Variants in STK3 observed in about 807,000 individuals in gnomAD.
STK3 encodes serine/threonine kinase 3.
A neutral mutation model predicts 58.0 loss-of-function variants in STK3; 41 were observed. That is an observed-to-expected ratio of 0.71 (90% CI 0.55 to 0.92). The LOEUF is 0.92. Among genes scored for constraint, STK3 ranks in the 40% least tolerant of loss-of-function variants. The pLI, the probability that STK3 is intolerant of heterozygous loss-of-function variation, is 0.00. For synonymous variants in STK3, 170 were observed against 191.0 expected (o/e 0.89, Z 0.91); for missense variants, 479 against 602.7 (o/e 0.79, Z 2.15).
chr8:98,743,032 A>G (rs1170050958), intron 4 of STK3, among the ~76,000 whole-genome samples: 3 of 152,074 alleles, frequency 2.0e-5, no homozygotes, highest in African/African-American at 7.2e-5. Context: ...AGGGACGTGA[A>G]GGACCTCTTC....
upstream of STK3, among the ~76,000 whole-genome samples, chr8:98,828,437 C>CAAAAAAAAA (rs367737626): frequency 2.1e-3 from 103 of 48,590 alleles, no homozygotes; most frequent in Middle Eastern, 0.018. Context: ...CCCATCTCTA[C>CAAAAAAAAA]AAAAAAAAAA....
intron 4 of STK3, among the ~76,000 whole-genome samples, chr8:98,744,542 T>C (rs1408900447): frequency 3.2e-5 from 4 of 125,580 alleles, no homozygotes; most frequent in East Asian, 4.9e-4. Context: ...TGAGAACACA[T>C]GGACACAGGA....
intron 8 of STK3, among the ~76,000 whole-genome samples, chr8:98,549,376 T>C (rs1810981133): frequency 6.6e-6 from 1 of 152,192 alleles, no homozygotes; most frequent in African/African-American, 2.4e-5. Context: ...AGCAATCTTT[T>C]CGCACGCTTA....
downstream of STK3, among the ~76,000 whole-genome samples, chr8:98,401,113 C>A (rs1021451321): frequency 3.9e-5 from 6 of 152,124 alleles, no homozygotes; most frequent in Non-Finnish European, 7.3e-5. Flanking sequence ...GCCTTAGGAG[C>A]CATGGACAGC....
chr8:98,758,635 A>G (rs1830440977), intron 3 of STK3, among the ~76,000 whole-genome samples: 1 of 152,216 alleles, frequency 6.6e-6, no homozygotes, highest in South Asian at 2.1e-4. Flanking sequence ...CTAACAAGAG[A>G]GTCAGCCTGT....
At chr8:98,352,194 A>G in the STK3 span, among the ~76,000 whole-genome samples, 1 of 152,124 alleles carries the variant, frequency 6.6e-6, no homozygotes, top group Admixed American at 6.6e-5. Flanking sequence ...TCAACAGCCA[A>G]ATTGTAGAGA....
the STK3 span, among the ~76,000 whole-genome samples, chr8:98,348,896 G>C: frequency 6.6e-6 from 1 of 152,202 alleles, no homozygotes; most frequent in Non-Finnish European, 1.5e-5. Flanking sequence ...CAGCAATAAT[G>C]CTCCCTGGTA....
intron 1 of STK3, among the ~76,000 whole-genome samples, chr8:98,892,031 G>A (rs1306730612): frequency 1.3e-5 from 2 of 152,092 alleles, no homozygotes; most frequent in African/African-American, 4.8e-5. Context: ...GTAGGCAGCT[G>A]TTTGCATAAT....
intron 10 of STK3, among the ~76,000 whole-genome samples, chr8:98,461,449 T>A (rs1438957678): frequency 1.3e-5 from 2 of 152,212 alleles, no homozygotes; most frequent in African/African-American, 4.8e-5. Flanking sequence ...CCAACCAGTA[T>A]CTTTTAAGTG....
intron 10 of STK3, among the ~76,000 whole-genome samples, chr8:98,471,219 T>C: frequency 6.6e-6 from 1 of 152,126 alleles, no homozygotes; most frequent in East Asian, 1.9e-4. Flanking sequence ...TGGCATCCAC[T>C]GAACCCGCTC....
intron 7 of STK3, among the ~76,000 whole-genome samples, chr8:98,592,180 C>T (rs1815373267): frequency 1.3e-5 from 2 of 152,172 alleles, no homozygotes; most frequent in South Asian, 4.2e-4. Context: ...AAAATTGAGG[C>T]ATCTCATCCT....
At chr8:98,462,366 A>G (rs1476941865) in intron 10 of STK3, among the ~76,000 whole-genome samples, 1 of 152,062 alleles carries the variant, frequency 6.6e-6, no homozygotes, top group African/African-American at 2.4e-5. Context: ...ATCTGTTTCT[A>G]CTCATGCTGT....
intron 9 of STK3, among the ~76,000 whole-genome samples, chr8:98,543,633 G>A (rs1324661338): frequency 1.3e-5 from 2 of 152,166 alleles, no homozygotes; most frequent in Admixed American, 1.3e-4. Context: ...GTACTTGCAT[G>A]ATAACATTTC....
In STK3 at chr8:98,608,748, G is replaced by A. The variant is rs184778200; in HGVS notation, c.685-12579C>T. Among the ~76,000 whole-genome samples, 77 of 152,172 alleles carry A rather than the reference G, an allele frequency of 5.1e-4. 1 individual carries two copies. Among genetic ancestry groups the A allele is most frequent in the South Asian group, 2.9e-3 (14 of 4,824 alleles). ...ATAGATAAATTCAAGTGGTAGACAC[G>A]GATGAGCATAGCTTGATGCAGTAGT... On this transcript the variant is annotated intron_variant, in intron 6 of 10. Transcript: ENST00000419617.
At chr8:98,712,700 C>G (rs1587388964) in intron 4 of STK3, among the ~76,000 whole-genome samples, 1 of 152,020 alleles carries the variant, frequency 6.6e-6, no homozygotes, top group Non-Finnish European at 1.5e-5. Flanking sequence ...CTTTAACACC[C>G]CACTGTCAAC....
At chr8:98,807,559 G>A (rs1384494494) in intron 1 of STK3, among the ~76,000 whole-genome samples, 1 of 152,088 alleles carries the variant, frequency 6.6e-6, no homozygotes, top group East Asian at 1.9e-4. Context: ...TACCCGACCA[G>A]TAATCAAATG....
At chr8:98,352,481 G>A in the STK3 span, among the ~76,000 whole-genome samples, 1 of 152,144 alleles carries the variant, frequency 6.6e-6, no homozygotes, top group Non-Finnish European at 1.5e-5. Context: ...CATGATGCAA[G>A]TGAATGACGA....
At chr8:98,663,190 C>G (rs1409344113) in intron 6 of STK3, among the ~76,000 whole-genome samples, 2 of 151,972 alleles carry the variant, frequency 1.3e-5, no homozygotes, top group African/African-American at 2.4e-5. Context: ...AAAAAACAAC[C>G]CCAACAAAAA....
At chr8:98,346,710 T>A in the STK3 span, among the ~76,000 whole-genome samples, 1 of 151,746 alleles carries the variant, frequency 6.6e-6, no homozygotes, top group Non-Finnish European at 1.5e-5. Flanking sequence ...AGCAAAGCTA[T>A]CTGTCAAAAA....
Sources: gnomAD v4.1 joint callset for allele counts (sites outside exome capture counted in the v4.1 genomes callset) on GRCh38, gnomAD v4.1.1 for gene constraint, MANE v1.5 for transcripts, NCBI Gene and HGNC (gene_info 2026-07-23, HGNC 2026-07-21) for gene names.